The following KDM6A variants were observed in gnomAD, a reference collection of about 807,000 sequenced individuals.
KDM6A encodes lysine-specific demethylase 6A.
A neutral mutation model predicts 117.6 loss-of-function variants in KDM6A; 11 were observed. That is an observed-to-expected ratio of 0.09 (90% CI 0.06 to 0.15). The LOEUF is 0.15. Among genes scored for constraint, KDM6A ranks in the 10% least tolerant of loss-of-function variants. KDM6A has a pLI of 1.00. For missense variants in KDM6A, 799 were observed against 1,077.3 expected (o/e 0.74, Z 3.62); for synonymous variants, 384 against 396.1 (o/e 0.97, Z 0.36).
At chrX:45,061,126 TAGTC>T (rs1004398487) in intron 14 of KDM6A, among the ~76,000 whole-genome samples, 194 bp from the exon 15 acceptor site, 11 of 111,359 alleles carry the variant, frequency 9.9e-5, no homozygotes, top group South Asian at 3.7e-4. Context: ...GCTTATTAAA[TAGTC>T]AGTAATTTTT....
intron 2 of KDM6A, among the ~76,000 whole-genome samples, chrX:44,897,650 C>A (rs775880638): frequency 9.0e-6 from 1 of 111,564 alleles, no homozygotes; most frequent in South Asian, 3.8e-4. Flanking sequence ...CTTGCTGTAA[C>A]CTCAAACTCC....
In KDM6A at chrX:45,063,561, C is replaced by T; in HGVS notation, c.1823C>T (p.Pro608Leu). Residue 608 changes from proline (P) to leucine (L), a missense_variant, in exon 17 of 30, where the codon CCT (proline) becomes CTT (leucine). Around this residue, in one of 8 missense-constraint regions of KDM6A, gnomAD observed 301 missense variants for 318.3 expected, o/e 0.95. Coordinates refer to ENST00000611820, the MANE Select transcript of KDM6A (RefSeq NM_001291415.2). ...ALTRVPSVSQPGVRPACPGQP... is the reference protein window; with the variant it reads ...ALTRVPSVSQLGVRPACPGQP... ...ACCAGAGTGCCTAGCGTCTCTCAGC[C>T]TGGAGTCCGTCCTGCCTGCCCTGGG... 8.3e-7 allele frequency: 1 copy of T among 1,211,908 alleles called. No homozygotes were observed. The highest frequency in any genetic ancestry group is 1.1e-6 in the Non-Finnish European group (1 of 895,559).
chrX:44,991,544 T>C (rs1199802246), intron 4 of KDM6A, among the ~76,000 whole-genome samples: 8 of 112,014 alleles, frequency 7.1e-5, no homozygotes, highest in African/African-American at 2.3e-4. Flanking sequence ...ACCAGCACAG[T>C]TGTCTTATAG....
chrX:44,882,669 T>C (rs774911389), intron 2 of KDM6A, among the ~76,000 whole-genome samples: 12 of 112,442 alleles, frequency 1.1e-4, no homozygotes, highest in Non-Finnish European at 2.2e-4. Context: ...TAGGGAAAAT[T>C]TGTTTTCAAG....
rs752691850 is a variant in KDM6A at position 44,986,868 on chromosome X, T to C, written c.384+12153T>C. On this transcript the variant is annotated intron_variant, in intron 4 of 29. Coordinates refer to ENST00000611820, the MANE Select transcript of KDM6A (RefSeq NM_001291415.2). ...TTTTGGAAGAAGTGGGGTGTGGTGC[T>C]GAGAAGAATGTATATTCTGTTGATT... 4.5e-5 allele frequency among the ~76,000 whole-genome samples: 5 copies of C among 112,071 alleles called. No individual in the cohort carries two copies. The East Asian group carries it at 1.4e-3, about 31-fold the overall frequency.
intron 10 of KDM6A, among the ~76,000 whole-genome samples, chrX:45,058,075 T>TC (rs554495782): frequency 0.026 from 969 of 37,951 alleles, 51 homozygotes; most frequent in African/African-American, 0.05. Context: ...ACTCTTACTC[T>TC]CCCCCCCCCC....
chrX:44,994,215 G>A (rs143855724), intron 4 of KDM6A, among the ~76,000 whole-genome samples: 3 of 111,746 alleles, frequency 2.7e-5, no homozygotes, highest in Non-Finnish European at 5.6e-5. Context: ...GTGAAACTTC[G>A]TACCCTTTGA....
intron 2 of KDM6A, among the ~76,000 whole-genome samples, chrX:44,949,938 TC>T (rs2037886170): frequency 9.0e-6 from 1 of 111,456 alleles, no homozygotes. Context: ...TAAGACTGTT[TC>T]TGTCAACCTC....
intron 5 of KDM6A, among the ~76,000 whole-genome samples, chrX:45,016,453 TTATGTATG>T (rs35987184): frequency 0.036 from 3,509 of 98,693 alleles, 93 homozygotes; most frequent in African/African-American, 0.092. Context: ...TGATTTTATT[TTATGTATG>T]TATGTATGTA....
chrX:44,919,137 G>C (rs1235503809), intron 2 of KDM6A, among the ~76,000 whole-genome samples: 1 of 111,613 alleles, frequency 9.0e-6, no homozygotes, highest in Non-Finnish European at 1.9e-5. Context: ...CTTGTTATCA[G>C]TATCTTAGTA....
chrX:44,960,389 G>C (rs2038599959), intron 2 of KDM6A, among the ~76,000 whole-genome samples: 1 of 111,634 alleles, frequency 9.0e-6, no homozygotes. Context: ...TTAGAGCTTT[G>C]TTATTACCCG....
At chrX:45,082,086 G>A (rs1296786740) in intron 21 of KDM6A, among the ~76,000 whole-genome samples, 1 of 109,501 alleles carries the variant, frequency 9.1e-6, no homozygotes, top group African/African-American at 3.3e-5. Flanking sequence ...GCTTTCTTGG[G>A]TATTTATTTA....
chrX:45,073,386 C>G (rs2044957459), intron 18 of KDM6A, among the ~76,000 whole-genome samples: 1 of 111,237 alleles, frequency 9.0e-6, no homozygotes, highest in African/African-American at 3.3e-5. Context: ...GGGTATATAC[C>G]CAGTAATGAA....
At chrX:44,914,143 T>C (rs1196829860) in intron 2 of KDM6A, among the ~76,000 whole-genome samples, 4 of 111,810 alleles carry the variant, frequency 3.6e-5, no homozygotes, top group South Asian at 3.7e-4. Flanking sequence ...GAGAGATCAT[T>C]TGTTCCCGCA....
At chrX:44,897,269 G>GT (rs1207197202) in intron 2 of KDM6A, among the ~76,000 whole-genome samples, 3,788 of 68,594 alleles carry the variant, frequency 0.055, 81 homozygotes, top group Middle Eastern at 0.087. Flanking sequence ...TTTATTTTAG[G>GT]TTTTTTTTTT....
chrX:45,046,184 G>A (rs749913212), intron 8 of KDM6A, among the ~76,000 whole-genome samples: 82 of 111,587 alleles, frequency 7.3e-4, no homozygotes, highest in African/African-American at 2.4e-3. Context: ...TGTAATAATA[G>A]AGCTAAAGGT....
At chrX:45,078,568 C>T in intron 20 of KDM6A, 63 bp downstream of exon 20, 2 of 876,547 alleles carry the variant, frequency 2.3e-6, no homozygotes, top group Non-Finnish European at 3.3e-6. Context: ...TTAACTTTTC[C>T]AGCACTGGCA....
intron 21 of KDM6A, among the ~76,000 whole-genome samples, chrX:45,081,679 A>G (rs2045411917): frequency 8.9e-6 from 1 of 112,349 alleles, no homozygotes; most frequent in East Asian, 2.8e-4. Context: ...CCTCTTGAAA[A>G]TGGGGCAGGT....
At chrX:44,920,163 G>T (rs1465363271) in intron 2 of KDM6A, among the ~76,000 whole-genome samples, 2 of 112,115 alleles carry the variant, frequency 1.8e-5, no homozygotes, top group East Asian at 5.6e-4. Context: ...AACTTTGGTT[G>T]ATTGTATTTC....
Sources: gnomAD v4.1 joint callset for allele counts (sites outside exome capture counted in the v4.1 genomes callset) on GRCh38, gnomAD v4.1.1 for gene constraint, gnomAD v4.1.1 regional missense constraint, MANE v1.5 for transcripts, NCBI Gene and HGNC (gene_info 2026-07-23, HGNC 2026-07-21) for gene names.